ASTN2: variants seen among roughly 807,000 people sequenced by gnomAD.
The protein encoded by ASTN2 is astrotactin 2.
ASTN2 carries 54 observed loss-of-function variants against 139.8 expected under a neutral mutation model. The observed-to-expected ratio is 0.39, with a 90% CI of 0.31 to 0.48. The LOEUF is 0.48. ASTN2 is among the 20% of genes least tolerant of loss of function. The pLI, the probability that ASTN2 is intolerant of heterozygous loss-of-function variation, is 0.95. For synonymous variants in ASTN2, 756 were observed against 719.5 expected (o/e 1.05, Z -0.81); for missense variants, 1,565 against 1,725.1 (o/e 0.91, Z 1.64).
At chr9:116,652,428 A>G (rs1388192134) in intron 16 of ASTN2, among the ~76,000 whole-genome samples, 1 of 152,200 alleles carries the variant, frequency 6.6e-6, no homozygotes, top group African/African-American at 2.4e-5. Context: ...ATATTCAAAG[A>G]TATTTTTTAC....
intron 1 of ASTN2, among the ~76,000 whole-genome samples, chr9:117,337,107 A>G (rs1051658637): frequency 6.6e-6 from 1 of 152,208 alleles, no homozygotes; most frequent in Non-Finnish European, 1.5e-5. Flanking sequence ...TTAAAAATAC[A>G]TGTATGCAAA....
rs567239231 is a variant in ASTN2 at position 116,563,652 on chromosome 9, C to G, written c.3355+54672G>C. Among the ~76,000 whole-genome samples, 6 of 152,294 alleles carry G rather than the reference C, an allele frequency of 3.9e-5. No individual in the cohort carries two copies. The South Asian group carries it at 8.3e-4, about 21-fold the overall frequency. On this transcript the variant is annotated intron_variant, in intron 19 of 22. Coordinates refer to ENST00000313400, the MANE Select transcript of ASTN2 (RefSeq NM_001365068.1). ...AAAACTAGACAGCCCTTTCCCTCAT[C>G]TAGCATAGTTGTCTTTTTTTCTGCT...
intron 13 of ASTN2, among the ~76,000 whole-genome samples, chr9:116,752,762 A>G (rs1045641238): frequency 6.6e-6 from 1 of 152,258 alleles, no homozygotes; most frequent in Non-Finnish European, 1.5e-5. Flanking sequence ...GAGCATATGA[A>G]TGTACACACA....
chr9:117,206,157 G>A (rs1831914673), intron 3 of ASTN2, among the ~76,000 whole-genome samples: 1 of 152,168 alleles, frequency 6.6e-6, no homozygotes, highest in African/African-American at 2.4e-5. Flanking sequence ...GTCGTCGAAG[G>A]CAGAGCACCG....
At chr9:116,807,930 T>C (rs1831068917) in intron 12 of ASTN2, among the ~76,000 whole-genome samples, 1 of 145,412 alleles carries the variant, frequency 6.9e-6, no homozygotes, top group African/African-American at 2.6e-5. Flanking sequence ...GCCAACATAG[T>C]GAAATCCTGT....
chr9:116,939,483 C>T lies in ASTN2; in HGVS notation c.1889+35725G>A, dbSNP rs1835168269. ...AGGACAGGCATTATATGCTTTTCTT[C>T]TTTGTAACTCCCCATCCTTCGTGTC... is the stretch of plus-strand genomic sequence containing the variant. On this transcript the variant is annotated intron_variant, in intron 10 of 22. Coordinates refer to ENST00000313400, the MANE Select transcript of ASTN2 (RefSeq NM_001365068.1). 3.9e-5 allele frequency among the ~76,000 whole-genome samples: 6 copies of T among 152,230 alleles called. No individual in the cohort carries two copies. In the South Asian group the frequency reaches 1.2e-3, roughly 32 times the overall value.
At chr9:116,523,744 A>G (rs866749444) in intron 19 of ASTN2, among the ~76,000 whole-genome samples, 16 of 152,124 alleles carry the variant, frequency 1.1e-4, no homozygotes, top group Admixed American at 6.5e-4. Flanking sequence ...CTCCTATTTA[A>G]TCCAGCCTTT....
chr9:117,362,265 T>C (rs1191667408), intron 1 of ASTN2, among the ~76,000 whole-genome samples: 1 of 152,196 alleles, frequency 6.6e-6, no homozygotes, highest in Non-Finnish European at 1.5e-5. Flanking sequence ...TGAGCCACTG[T>C]GCCCAGCCTT....
chr9:117,205,764 G>A (rs183564424), intron 3 of ASTN2, among the ~76,000 whole-genome samples: 19 of 152,188 alleles, frequency 1.2e-4, no homozygotes, highest in Admixed American at 9.2e-4. Context: ...TGTCTGAACC[G>A]GGATCTCCAG....
At chr9:116,614,135 G>T (rs527784797) in intron 19 of ASTN2, among the ~76,000 whole-genome samples, 14 of 152,214 alleles carry the variant, frequency 9.2e-5, no homozygotes, top group Middle Eastern at 3.4e-3. Flanking sequence ...GCTTCAAAGA[G>T]AATAAAATAC....
intron 5 of ASTN2, among the ~76,000 whole-genome samples, chr9:117,077,475 C>A (rs1279769514): frequency 6.6e-6 from 1 of 152,120 alleles, no homozygotes; most frequent in Admixed American, 6.6e-5. Context: ...TGGCCGGGTG[C>A]GGTAGCTCAT....
Position 117,205,565 on chromosome 9 carries a change from G to A in ASTN2, c.1015+8793C>T, listed in dbSNP as rs1446913054. On this transcript the variant is annotated intron_variant, in intron 3 of 22. Coordinates refer to ENST00000313400, the MANE Select transcript of ASTN2 (RefSeq NM_001365068.1). ...CTCTACTTTCTCCCTGAGTTTCTAGGATTGAAAAAAAAACCTACTTTTTAA... is the reference window on the plus strand; with the variant it reads ...CTCTACTTTCTCCCTGAGTTTCTAGAATTGAAAAAAAAACCTACTTTTTAA... Among the ~76,000 whole-genome samples the A allele has an allele frequency of 5.9e-5, 9 of 151,428 alleles. 1 individual carries two copies. The highest frequency in any genetic ancestry group is 5.9e-4 in the Admixed American group (9 of 15,228).
intron 2 of ASTN2, among the ~76,000 whole-genome samples, chr9:117,264,730 C>T (rs1833903013): frequency 6.6e-6 from 1 of 152,164 alleles, no homozygotes; most frequent in South Asian, 2.1e-4. Context: ...AACAAGATAT[C>T]CAAACTTACT....
intron 3 of ASTN2, among the ~76,000 whole-genome samples, chr9:117,179,374 T>C (rs1196568856): frequency 6.6e-6 from 1 of 152,096 alleles, no homozygotes; most frequent in Non-Finnish European, 1.5e-5. Context: ...TATCCACATA[T>C]CTTCTATATA....
intron 13 of ASTN2, among the ~76,000 whole-genome samples, chr9:116,758,171 C>T (rs1238639314): frequency 6.6e-6 from 1 of 152,060 alleles, no homozygotes; most frequent in African/African-American, 2.4e-5. Context: ...TAGAAGAGTG[C>T]CTGGAATGTA....
intron 19 of ASTN2, among the ~76,000 whole-genome samples, chr9:116,546,378 T>C (rs1003050168): frequency 6.6e-6 from 1 of 152,072 alleles, no homozygotes; most frequent in Admixed American, 6.5e-5. Context: ...ATTTCAGAAA[T>C]GGAGAAACTG....
intron 19 of ASTN2, among the ~76,000 whole-genome samples, chr9:116,496,107 C>T (rs1588113995): frequency 1.3e-5 from 2 of 152,208 alleles, no homozygotes; most frequent in Admixed American, 1.3e-4. Flanking sequence ...TCTACAGGAG[C>T]ATCCACTATC....
chr9:116,962,994 T>C (rs1835912247), intron 10 of ASTN2, among the ~76,000 whole-genome samples: 1 of 152,188 alleles, frequency 6.6e-6, no homozygotes, highest in African/African-American at 2.4e-5. Flanking sequence ...TTACTGTGCT[T>C]AGAACTGGGA....
intron 17 of ASTN2, among the ~76,000 whole-genome samples, chr9:116,649,729 T>C (rs1857801213): frequency 1.3e-5 from 2 of 151,994 alleles, no homozygotes; most frequent in South Asian, 4.2e-4. Flanking sequence ...TGCTGTCCCA[T>C]GGATGGGAAT....
Sources: gnomAD v4.1 joint callset for allele counts (sites outside exome capture counted in the v4.1 genomes callset) on GRCh38, gnomAD v4.1.1 for gene constraint, MANE v1.5 for transcripts, NCBI Gene and HGNC (gene_info 2026-07-23, HGNC 2026-07-21) for gene names.